ELOVL5: variants seen among roughly 807,000 people sequenced by gnomAD.
ELOVL5 encodes the protein very long chain fatty acid elongase 5.
A neutral mutation model predicts 38.6 loss-of-function variants in ELOVL5; 8 were observed. The observed-to-expected ratio is 0.21, with a 90% CI of 0.12 to 0.37. ELOVL5 has a LOEUF of 0.37. Among genes scored for constraint, ELOVL5 ranks in the 10% least tolerant of loss-of-function variants. ELOVL5 has a pLI of 1.00. For synonymous variants in ELOVL5, 127 were observed against 133.7 expected (o/e 0.95, Z 0.34); for missense variants, 280 against 367.8 (o/e 0.76, Z 1.95).
chr6:53,320,158 TAAA>T (rs897845927), intron 1 of ELOVL5, among the ~76,000 whole-genome samples: 1 of 150,754 alleles, frequency 6.6e-6, no homozygotes, highest in Admixed American at 6.6e-5. Context: ...CTACTAAAAA[TAAA>T]AAAAAATTAG....
chr6:53,283,140 C>T (rs1766423670), intron 3 of ELOVL5, among the ~76,000 whole-genome samples: 1 of 152,172 alleles, frequency 6.6e-6, no homozygotes, highest in African/African-American at 2.4e-5. Context: ...AAAGCAGAAC[C>T]AACTCTCTCA....
rs200269657 is a variant in ELOVL5, at chr6:53,270,677, C to T, written c.672G>A (p.Pro224=). The T allele has an allele frequency of 3.9e-5, 63 of 1,614,150 alleles. No homozygotes were observed. Among genetic ancestry groups the T allele is most frequent in the Middle Eastern group, 1.6e-4 (1 of 6,062 alleles). Residue 224 remains proline, a synonymous_variant, in exon 7 of 8, where the codon CCG becomes CCA. Coordinates refer to ENST00000304434, the MANE Select transcript of ELOVL5 (RefSeq NM_021814.5). Reference sequence around the variant, plus strand: ...ACAACCAACCAAGAGGGAATGTGCACGGCCAGATGACCCCGCAGCTGGTCT... The same window carrying T: ...ACAACCAACCAAGAGGGAATGTGCATGGCCAGATGACCCCGCAGCTGGTCT... ...IIQTSCGVIW[P]CTFPLGWLYF...
chr6:53,348,937 C>A lies in ELOVL5; in HGVS notation c.-129G>T, dbSNP rs528911712. On this transcript the variant is annotated 5_prime_UTR_variant, in exon 1 of 8. Transcript: ENST00000304434. The stretch of plus-strand genomic sequence containing the variant: ...AGGAGACACCGGTGGCTAGGACCCG[C>A]GCGATGGGAAGAGGAAGGCGCCGGC... 3.1e-4 allele frequency: 133 copies of A among 435,074 alleles called. No individual in the cohort carries two copies. The highest frequency in any genetic ancestry group is 2.3e-3 in the African/African-American group (112 of 48,124). The allele number at this position is 435,074 out of a possible 1,614,324, so 27.0% of individuals were successfully genotyped here.
intron 7 of ELOVL5, among the ~76,000 whole-genome samples, chr6:53,269,675 C>G (rs187068525): frequency 1.3e-3 from 193 of 152,326 alleles, no homozygotes; most frequent in Non-Finnish European, 2.0e-3. Flanking sequence ...TCCTCACTGC[C>G]TCGGCGACTA....
At chr6:53,337,064 C>T (rs540752235) in intron 1 of ELOVL5, 5 of 152,328 alleles carry the variant, frequency 3.3e-5, no homozygotes, top group Admixed American at 1.3e-4. Context: ...GAAGCCTCAT[C>T]TACATATTTT....
At position 53,275,189 on chromosome 6, in the gene ELOVL5, G is replaced by T; in HGVS notation, c.397C>A (p.Arg133Ser). Residue 133 changes from arginine to serine, a missense_variant, in exon 5 of 8, where the codon CGC (arginine) becomes AGC (serine). Arg to Ser is a moderately radical substitution (Grantham distance 110, BLOSUM62 -1). Around this residue, in one of 3 missense-constraint regions of ELOVL5, gnomAD observed 150 missense variants for 178.0 expected, o/e 0.84. Coordinates refer to ENST00000304434, the MANE Select transcript of ELOVL5 (RefSeq NM_021814.5). ...EFMDTFFFIL[R>S]KNNHQITVLH... Reference sequence around the variant, plus strand: ...ACCGTGATCTGGTGGTTGTTCTTGCGCAGGATGAAGAAGAAAGTGTCCATA... The same window carrying T: ...ACCGTGATCTGGTGGTTGTTCTTGCTCAGGATGAAGAAGAAAGTGTCCATA... The T allele has an allele frequency of 6.2e-7, 1 of 1,614,096 alleles. No homozygotes were observed. The highest frequency in any genetic ancestry group is 8.5e-7 in the Non-Finnish European group (1 of 1,179,970).
intron 1 of ELOVL5, among the ~76,000 whole-genome samples, chr6:53,315,467 A>G (rs184392095): frequency 7.9e-5 from 12 of 152,294 alleles, no homozygotes; most frequent in African/African-American, 2.9e-4. Flanking sequence ...GTCTAAAGAA[A>G]ATTGACACTT....
chr6:53,269,245 C>T lies in ELOVL5; in HGVS notation c.782G>A (p.Arg261Gln), dbSNP rs183203367. The part of the protein sequence containing the change: ...IQTYNKKGAS[R>Q]RKDHLKDHQN... Reference sequence around the variant, plus strand: ...GTGGTCCTTCAGGTGGTCTTTCCTTCGGGAGGCCCCTTTCTTGTTGTAGGT... The same window carrying T: ...GTGGTCCTTCAGGTGGTCTTTCCTTTGGGAGGCCCCTTTCTTGTTGTAGGT... Residue 261 changes from arginine (R) to glutamine (Q), a missense_variant, in exon 8 of 8, where the codon CGA becomes CAA. Transcript: ENST00000304434. 4.2e-4 allele frequency: 684 copies of T among 1,611,368 alleles called. 3 individuals carry two copies. The highest frequency in any genetic ancestry group is 1.2e-4 in the Non-Finnish European group (138 of 1,178,634).
At chr6:53,276,935 C>T (rs1379250858) in intron 3 of ELOVL5, 1 of 151,308 alleles carries the variant, frequency 6.6e-6, no homozygotes, top group African/African-American at 2.4e-5. Flanking sequence ...CTCAGAATCA[C>T]TTGCAGCACA....
At chr6:53,273,416 A>G (rs1367221542) in intron 5 of ELOVL5, 72 bp from the exon 6 acceptor site, 1 of 1,392,126 alleles carries the variant, frequency 7.2e-7, no homozygotes, top group Non-Finnish European at 9.9e-7. Flanking sequence ...AAAAAAAAAA[A>G]AAATACAAGA....
chr6:53,278,183 AT>A (rs1305605986), intron 3 of ELOVL5, among the ~76,000 whole-genome samples: 1 of 152,014 alleles, frequency 6.6e-6, no homozygotes, highest in Non-Finnish European at 1.5e-5. Flanking sequence ...TCCAGCGACT[AT>A]TTTGGTTTAT....
At chr6:53,319,369 C>G (rs1768206253) in intron 1 of ELOVL5, among the ~76,000 whole-genome samples, 1 of 147,840 alleles carries the variant, frequency 6.8e-6, no homozygotes, top group Non-Finnish European at 1.5e-5. Context: ...ATAAGATTTG[C>G]AACTGTGAAA....
chr6:53,335,641 G>A (rs908822826), intron 1 of ELOVL5, among the ~76,000 whole-genome samples: 4 of 152,134 alleles, frequency 2.6e-5, no homozygotes, highest in African/African-American at 9.7e-5. Context: ...CCAAGTGAGT[G>A]GGGACTGCTG....
rs188126752 is a variant in ELOVL5 at position 53,278,624 on chromosome 6, A to T, written c.247-2368T>A. Among the ~76,000 whole-genome samples, 6 of 152,272 alleles carry T rather than the reference A, an allele frequency of 3.9e-5. No homozygotes were observed. In the South Asian group the frequency reaches 8.3e-4, roughly 21 times the overall value. Reference sequence around the variant, plus strand: ...ACTCAAACCTCAGTATTGGGTGGTGAACTTTTTTCACTCCTGAAGCATAAA... The same window carrying T: ...ACTCAAACCTCAGTATTGGGTGGTGTACTTTTTTCACTCCTGAAGCATAAA... On this transcript the variant is annotated intron_variant, in intron 3 of 7. Transcript: ENST00000304434.
At position 53,269,468 on chromosome 6, in the gene ELOVL5, T is replaced by C. The variant is rs577571181; in HGVS notation, c.757-198A>G. Among the ~76,000 whole-genome samples the C allele has an allele frequency of 3.3e-5, 5 of 152,322 alleles. No homozygotes were observed. In the South Asian group the frequency reaches 1.0e-3, roughly 32 times the overall value. On this transcript the variant is annotated intron_variant, in intron 7 of 7. Transcript: ENST00000304434. ...ATTCTTCCTTTTTTTTTTTGAGGCTTAGCCTGAGGTAAGTTAACTGAATCA... is the reference window on the plus strand; with the variant it reads ...ATTCTTCCTTTTTTTTTTTGAGGCTCAGCCTGAGGTAAGTTAACTGAATCA...
chr6:53,348,878 C>G lies in ELOVL5; in HGVS notation c.-70G>C. 1 of 455,500 alleles carries G rather than the reference C, an allele frequency of 2.2e-6. No homozygotes were observed. Among genetic ancestry groups the G allele is most frequent in the East Asian group, 7.3e-5 (1 of 13,728 alleles). 28.2% of individuals were successfully genotyped at this position (455,500 alleles called of 1,614,324 possible). On this transcript the variant is annotated 5_prime_UTR_variant, in exon 1 of 8. Transcript: ENST00000304434. ...AGCAAGGCGGCGGCGGCGGAGGGAG[C>G]GCGGGTGGCAGCCGGCGCAGAGGCG...
At chr6:53,309,720 G>A (rs750713420) in intron 1 of ELOVL5, among the ~76,000 whole-genome samples, 1 of 152,198 alleles carries the variant, frequency 6.6e-6, no homozygotes, top group Non-Finnish European at 1.5e-5. Flanking sequence ...GTTTCTGTCT[G>A]TGTTTCTAGG....
chr6:53,329,702 T>C (rs1347046183), intron 1 of ELOVL5, among the ~76,000 whole-genome samples: 2 of 152,118 alleles, frequency 1.3e-5, no homozygotes, highest in African/African-American at 4.8e-5. Flanking sequence ...TAGGCACCTG[T>C]AATCCCAGCT....
chr6:53,271,569 A>G (rs1055342563), intron 6 of ELOVL5, among the ~76,000 whole-genome samples: 26 of 150,706 alleles, frequency 1.7e-4, no homozygotes, highest in Admixed American at 7.9e-4. Context: ...CCTCCCCCCA[A>G]AAAAAGGGCT....
Sources: allele counts gnomAD v4.1 joint callset (sites outside exome capture counted in the v4.1 genomes callset), GRCh38; gene constraint gnomAD v4.1.1; regional missense constraint gnomAD v4.1.1; transcripts MANE v1.5; gene names NCBI Gene and HGNC (gene_info 2026-07-23, HGNC 2026-07-21).